The following WDR76 variants were observed in gnomAD, a reference collection of about 807,000 sequenced individuals.
WDR76 encodes the protein WD repeat-containing protein 76.
Under a neutral mutation model 70.2 loss-of-function variants are expected in WDR76, and 52 were observed. The ratio of observed to expected loss-of-function variants is 0.74; its 90% CI spans 0.59 to 0.93. The LOEUF (loss-of-function observed/expected upper bound fraction) is 0.93, where lower values mean the gene tolerates loss of function less well. WDR76 is among the 40% of genes least tolerant of loss of function. The pLI, the probability that WDR76 is intolerant of heterozygous loss-of-function variation, is 0.00. For missense variants in WDR76, 756 were observed against 760.2 expected (o/e 0.99, Z 0.07); for synonymous variants, 292 against 271.1 (o/e 1.08, Z -0.76).
chr15:43,841,692 C>G (rs2930532), intron 5 of WDR76, among the ~76,000 whole-genome samples: 1 of 152,024 alleles, frequency 6.6e-6, no homozygotes, highest in Non-Finnish European at 1.5e-5. Flanking sequence ...TTGTGACATA[C>G]TAACATGATT....
intron 5 of WDR76, among the ~76,000 whole-genome samples, chr15:43,841,824 T>C (rs1304928973): frequency 6.6e-6 from 1 of 152,208 alleles, no homozygotes; most frequent in East Asian, 1.9e-4. Flanking sequence ...TGTGTGACTT[T>C]GGGCAAGTTA....
At chr15:43,836,306 A>G in intron 4 of WDR76, 90 bp downstream of exon 4, 4 of 1,219,008 alleles carry the variant, frequency 3.3e-6, no homozygotes, top group Non-Finnish European at 4.6e-6. Context: ...GGTAAGCTTA[A>G]CAGATCATAA....
At chr15:43,843,013 C>CTT (rs370773260) in intron 7 of WDR76, among the ~76,000 whole-genome samples, 142 of 119,948 alleles carry the variant, frequency 1.2e-3, no homozygotes, top group Non-Finnish European at 1.4e-3. Context: ...TTTTCTTTTT[C>CTT]TTTTTTTTTT....
At chr15:43,842,124 C>T (rs1252901251) in intron 5 of WDR76, among the ~76,000 whole-genome samples, 1 of 152,126 alleles carries the variant, frequency 6.6e-6, no homozygotes, top group Admixed American at 6.5e-5. Flanking sequence ...CCTCGGCCTG[C>T]CAAAGTGCTG....
At chr15:43,839,796 A>G in intron 5 of WDR76, 68 bp downstream of exon 5, 2 of 1,441,028 alleles carry the variant, frequency 1.4e-6, no homozygotes, top group South Asian at 1.4e-5. Flanking sequence ...TGTTGAAACT[A>G]GACTAAAAGT....
intron 3 of WDR76, among the ~76,000 whole-genome samples, 199 bp from the exon 4 acceptor site, chr15:43,835,960 CTT>C (rs373992407): frequency 3.6e-5 from 5 of 136,992 alleles, no homozygotes; most frequent in Admixed American, 7.3e-5. Flanking sequence ...CCTGGCCTGT[CTT>C]TTTTTTTTTT....
At chr15:43,839,815 T>G in intron 5 of WDR76, 87 bp downstream of exon 5, 1 of 1,364,278 alleles carries the variant, frequency 7.3e-7, no homozygotes, top group South Asian at 1.6e-5. Flanking sequence ...GTTCATTAAA[T>G]TATGTTTAAT....
intron 2 of WDR76, among the ~76,000 whole-genome samples, chr15:43,830,013 C>CT (rs113243917): frequency 1.8e-3 from 254 of 139,616 alleles, no homozygotes; most frequent in Middle Eastern, 3.6e-3. Context: ...TCTTTCTTTT[C>CT]TTTTTTTTTT....
chr15:43,833,405 G>A (rs1258414262), intron 2 of WDR76, among the ~76,000 whole-genome samples: 4 of 145,262 alleles, frequency 2.8e-5, no homozygotes, highest in Admixed American at 1.4e-4. Context: ...TGCAAGCTCC[G>A]CCTCCCGGGT....
At chr15:43,838,215 T>C (rs1198491819) in intron 4 of WDR76, among the ~76,000 whole-genome samples, 1 of 151,718 alleles carries the variant, frequency 6.6e-6, no homozygotes, top group Non-Finnish European at 1.5e-5. Context: ...AGACAGAGTC[T>C]TGCTCTGTTG....
chr15:43,836,564 G>GT (rs2087658929), intron 4 of WDR76, among the ~76,000 whole-genome samples: 1 of 151,960 alleles, frequency 6.6e-6, no homozygotes, highest in Non-Finnish European at 1.5e-5. Flanking sequence ...GTCTCAATTT[G>GT]TTTTTGCTTT....
At chr15:43,854,638 CAT>C (rs1323230284) in intron 9 of WDR76, among the ~76,000 whole-genome samples, 3 of 152,056 alleles carry the variant, frequency 2.0e-5, no homozygotes, top group Non-Finnish European at 1.5e-5. Context: ...ATTGTGTACA[CAT>C]GTGTAACTAT....
intron 9 of WDR76, among the ~76,000 whole-genome samples, chr15:43,856,164 A>G (rs912624998): frequency 1.3e-5 from 2 of 152,018 alleles, no homozygotes; most frequent in African/African-American, 4.8e-5. Context: ...GAGGTGGATC[A>G]TCATTTATTT....
chr15:43,855,729 A>G (rs1442155477), intron 9 of WDR76, among the ~76,000 whole-genome samples: 1 of 152,034 alleles, frequency 6.6e-6, no homozygotes, highest in East Asian at 1.9e-4. Flanking sequence ...CGCACCAGTA[A>G]TCTTAGCTAC....
At chr15:43,827,464 T>G (rs1030176437) in intron 1 of WDR76, among the ~76,000 whole-genome samples, 6 of 152,206 alleles carry the variant, frequency 3.9e-5, no homozygotes, top group African/African-American at 1.2e-4. Context: ...GTAAGTGAAT[T>G]CTACTGAGGT....
chr15:43,834,925 G>C, intron 2 of WDR76, 136 bp from the exon 3 acceptor site: 2 of 749,644 alleles, frequency 2.7e-6, no homozygotes, highest in Non-Finnish European at 4.2e-6. Context: ...GTCTGTTTTG[G>C]TAAGATGATG....
At chr15:43,864,271 A>T (rs1173678667) in intron 12 of WDR76, among the ~76,000 whole-genome samples, 1 of 152,174 alleles carries the variant, frequency 6.6e-6, no homozygotes, top group East Asian at 1.9e-4. Flanking sequence ...ATATATTCTC[A>T]GTAGTGGGAT....
intron 4 of WDR76, 135 bp from the exon 5 acceptor site, chr15:43,839,470 T>C (rs889929797): frequency 3.3e-5 from 29 of 887,818 alleles, no homozygotes; most frequent in Non-Finnish European, 4.3e-5. Context: ...AAGATAATTG[T>C]GGCCATGTAT....
At chr15:43,832,373 G>C (rs2087599920) in intron 2 of WDR76, among the ~76,000 whole-genome samples, 1 of 151,736 alleles carries the variant, frequency 6.6e-6, no homozygotes, top group Non-Finnish European at 1.5e-5. Flanking sequence ...GACAGAGTGA[G>C]ACGCTATCAC....
Sources: gnomAD v4.1 joint callset for allele counts (sites outside exome capture counted in the v4.1 genomes callset) on GRCh38, gnomAD v4.1.1 for gene constraint, MANE v1.5 for transcripts, NCBI Gene and HGNC (gene_info 2026-07-23, HGNC 2026-07-21) for gene names.